Variants in CACNA2D3 observed in about 807,000 individuals in gnomAD.
CACNA2D3 encodes the protein calcium voltage-gated channel auxiliary subunit alpha2delta 3.
In CACNA2D3, 60 loss-of-function variants were observed where a neutral mutation model predicts 160.6. The observed-to-expected ratio is 0.37, with a 90% CI of 0.30 to 0.46. The LOEUF (loss-of-function observed/expected upper bound fraction) is 0.46, where lower values mean the gene tolerates loss of function less well. Among genes scored for constraint, CACNA2D3 ranks in the 20% least tolerant of loss-of-function variants. The pLI, the probability that CACNA2D3 is intolerant of heterozygous loss-of-function variation, is 1.00. For synonymous variants in CACNA2D3, 558 were observed against 492.9 expected (o/e 1.13, Z -1.75); for missense variants, 1,205 against 1,365.0 (o/e 0.88, Z 1.85).
At chr3:54,416,634 C>T (rs191836648) in intron 4 of CACNA2D3, among the ~76,000 whole-genome samples, 9 of 152,154 alleles carry the variant, frequency 5.9e-5, no homozygotes, top group African/African-American at 1.9e-4. Flanking sequence ...CAATTATTGC[C>T]GTAAAATTCA....
intron 10 of CACNA2D3, among the ~76,000 whole-genome samples, chr3:54,631,627 T>C (rs1169562103): frequency 1.3e-5 from 2 of 152,240 alleles, no homozygotes; most frequent in Non-Finnish European, 2.9e-5. Flanking sequence ...ATGGAGTTTA[T>C]TCTGTTTTAC....
chr3:54,300,306 A>G (rs1703444137), intron 2 of CACNA2D3, among the ~76,000 whole-genome samples: 1 of 152,244 alleles, frequency 6.6e-6, no homozygotes. Context: ...CCCTGTCACC[A>G]GGTGATGGAC....
chr3:54,130,857 G>A (rs1475650003), intron 2 of CACNA2D3, among the ~76,000 whole-genome samples: 1 of 152,248 alleles, frequency 6.6e-6, no homozygotes, highest in African/African-American at 2.4e-5. Context: ...ACAGCTGAGA[G>A]GGCATAGCCT....
intron 4 of CACNA2D3, among the ~76,000 whole-genome samples, chr3:54,458,798 T>C (rs1700445516): frequency 6.6e-6 from 1 of 152,042 alleles, no homozygotes; most frequent in South Asian, 2.1e-4. Flanking sequence ...TACTCTTAAG[T>C]TTTAGGGTAC....
intron 5 of CACNA2D3, among the ~76,000 whole-genome samples, chr3:54,552,205 G>T (rs1343270677): frequency 6.6e-6 from 1 of 152,030 alleles, no homozygotes; most frequent in African/African-American, 2.4e-5. Context: ...TCTCGGAGGG[G>T]GACTCCAAAT....
intron 14 of CACNA2D3, among the ~76,000 whole-genome samples, chr3:54,834,467 T>A (rs1698624737): frequency 6.6e-6 from 1 of 152,182 alleles, no homozygotes; most frequent in Non-Finnish European, 1.5e-5. Flanking sequence ...GTGGCCACAG[T>A]ATGCTTTGAG....
chr3:55,002,137 CAG>C (rs1477305961), intron 31 of CACNA2D3, among the ~76,000 whole-genome samples: 106 of 142,964 alleles, frequency 7.4e-4, no homozygotes, highest in African/African-American at 2.7e-3. Flanking sequence ...GCTTGGGTGA[CAG>C]AGAGTGAGAC....
chr3:54,743,296 G>T (rs994969992), intron 11 of CACNA2D3, among the ~76,000 whole-genome samples: 4 of 152,184 alleles, frequency 2.6e-5, no homozygotes, highest in Non-Finnish European at 5.9e-5. Flanking sequence ...TGAGTATCAT[G>T]AAGAAAACAA....
chr3:54,400,430 C>T (rs941215634), intron 4 of CACNA2D3, among the ~76,000 whole-genome samples: 2 of 152,042 alleles, frequency 1.3e-5, no homozygotes, highest in Non-Finnish European at 2.9e-5. Context: ...TCCTGGAACT[C>T]AGCACTGTTG....
chr3:54,894,649 C>T (rs1312904829), intron 25 of CACNA2D3: 1 of 512,160 alleles, frequency 2.0e-6, no homozygotes, highest in Non-Finnish European at 3.9e-6. Context: ...TCAGTCGTGG[C>T]TGCACCTGTG....
rs559815020 is a variant in CACNA2D3 at position 54,425,525 on chromosome 3, C to T, written c.381+38751C>T. On this transcript the variant is annotated intron_variant, in intron 4 of 37. Coordinates refer to ENST00000474759, the MANE Select transcript of CACNA2D3 (RefSeq NM_018398.3). ...CATCTTCCCACTCTGCTGTTCATCT[C>T]CTTTTCTGGAATTTCCCATGTATCC... Among the ~76,000 whole-genome samples, 11 of 152,354 alleles carry T rather than the reference C, an allele frequency of 7.2e-5. 1 individual carries two copies. The highest frequency in any genetic ancestry group is 2.4e-4 in the African/African-American group (10 of 41,588).
At chr3:54,979,589 A>G (rs903777512) in intron 29 of CACNA2D3, among the ~76,000 whole-genome samples, 1 of 152,218 alleles carries the variant, frequency 6.6e-6, no homozygotes, top group African/African-American at 2.4e-5. Context: ...AAAAAGGATC[A>G]GCAATGTTTT....
rs150428292 is a variant in CACNA2D3 at position 54,165,699 on chromosome 3, G to A, written c.204+42105G>A. On this transcript the variant is annotated intron_variant, in intron 2 of 37. Transcript: ENST00000474759. The stretch of plus-strand genomic sequence containing the variant: ...CTGAGGTGGGAGGATTGCTTGAGCC[G>A]AGGTGGGAGGATTGCTCGAGCCCAG... Among the ~76,000 whole-genome samples, 16 of 151,358 alleles carry A rather than the reference G, an allele frequency of 1.1e-4. No individual in the cohort carries two copies. In the East Asian group the frequency reaches 1.4e-3, roughly 13 times the overall value.
chr3:54,783,718 CTTTAAAT>C (rs954442537), intron 13 of CACNA2D3, among the ~76,000 whole-genome samples: 3 of 152,150 alleles, frequency 2.0e-5, no homozygotes, highest in Admixed American at 6.5e-5. Flanking sequence ...AGGTAGGAAA[CTTTAAAT>C]TTTGCAACAT....
Position 54,952,823 on chromosome 3 carries a change from T to G in CACNA2D3, c.2450-15627T>G, listed in dbSNP as rs1701792580. ...CAATGACAATATCTATCTATGAGGA[T>G]TCCACGTGCTCTTTGGATGTTTTAC... On this transcript the variant is annotated intron_variant, in intron 27 of 37. Coordinates refer to ENST00000474759, the MANE Select transcript of CACNA2D3 (RefSeq NM_018398.3). Among the ~76,000 whole-genome samples the G allele has an allele frequency of 2.0e-5, 3 of 152,270 alleles. No homozygotes were observed. In the South Asian group the frequency reaches 6.2e-4, roughly 32 times the overall value.
chr3:54,765,793 T>C (rs1702213578), intron 13 of CACNA2D3, among the ~76,000 whole-genome samples: 1 of 151,990 alleles, frequency 6.6e-6, no homozygotes, highest in African/African-American at 2.4e-5. Context: ...ATCAGTAGAG[T>C]AGAAGGTCCA....
At chr3:54,255,624 A>G (rs888938733) in intron 2 of CACNA2D3, among the ~76,000 whole-genome samples, 3 of 152,166 alleles carry the variant, frequency 2.0e-5, no homozygotes, top group Non-Finnish European at 4.4e-5. Flanking sequence ...CAAGTCCAGC[A>G]TGAGACTCCC....
chr3:54,683,962 CTTTTTT>C (rs61481695), intron 11 of CACNA2D3, among the ~76,000 whole-genome samples: 2 of 110,828 alleles, frequency 1.8e-5, no homozygotes, highest in Admixed American at 1.9e-4. Context: ...AAATTTCCAC[CTTTTTT>C]TTTTTTTTTT....
intron 3 of CACNA2D3, among the ~76,000 whole-genome samples, chr3:54,364,057 G>A (rs988404111): frequency 6.6e-5 from 10 of 152,136 alleles, no homozygotes; most frequent in East Asian, 1.9e-4. Flanking sequence ...ACATTATGGC[G>A]CCTGAGCCCC....
Sources: gnomAD v4.1 joint callset for allele counts (sites outside exome capture counted in the v4.1 genomes callset) on GRCh38, gnomAD v4.1.1 for gene constraint, MANE v1.5 for transcripts, NCBI Gene and HGNC (gene_info 2026-07-23, HGNC 2026-07-21) for gene names.